PRKN: variants seen among roughly 807,000 people sequenced by gnomAD.
PRKN encodes E3 ubiquitin-protein ligase parkin.
In PRKN, 56 loss-of-function variants were observed where a neutral mutation model predicts 59.5. The observed-to-expected ratio is 0.94, with a 90% CI of 0.76 to 1.18. The LOEUF (loss-of-function observed/expected upper bound fraction) is 1.18, where lower values mean the gene tolerates loss of function less well. PRKN is among the 50% of genes most tolerant of loss of function. The pLI is 0.00. For synonymous variants in PRKN, 250 were observed against 222.1 expected, an observed-to-expected ratio of 1.13 and a Z score of -1.12; for missense variants, 657 against 596.4, an observed-to-expected ratio of 1.10 and a Z score of -1.06.
chr6:162,057,509 T>C (rs1777914494), intron 4 of PRKN, among the ~76,000 whole-genome samples: 1 of 152,194 alleles, frequency 6.6e-6, no homozygotes, highest in African/African-American at 2.4e-5. Context: ...TACAAATGTA[T>C]AGAAATAAAA....
chr6:161,598,878 C>T (rs1187255189), intron 7 of PRKN, among the ~76,000 whole-genome samples: 2 of 152,150 alleles, frequency 1.3e-5, no homozygotes, highest in Non-Finnish European at 2.9e-5. Context: ...ATGAATATAA[C>T]CTCATTTGGG....
rs6909431 is a variant in PRKN at position 161,782,474 on chromosome 6, T to G, written c.871+3298A>C. 6.2e-3 allele frequency among the ~76,000 whole-genome samples: 947 copies of G among 152,302 alleles called. 6 individuals are homozygous for G. Among genetic ancestry groups the G allele is most frequent in the African/African-American group, 0.022 (899 of 41,554 alleles). Reference sequence around the variant, plus strand: ...ATATTATTTACCTTTATTTATTTATTATTTACCTTTGGGAGAGAAAGAGAA... The same window carrying G: ...ATATTATTTACCTTTATTTATTTATGATTTACCTTTGGGAGAGAAAGAGAA... On this transcript the variant is annotated intron_variant, in intron 7 of 11. Coordinates refer to ENST00000366898, the MANE Select transcript of PRKN (RefSeq NM_004562.3).
chr6:161,808,542 T>C (rs1454291248), intron 6 of PRKN, among the ~76,000 whole-genome samples: 1 of 152,184 alleles, frequency 6.6e-6, no homozygotes, highest in Non-Finnish European at 1.5e-5. Flanking sequence ...ATATGAACAA[T>C]AGCTCAACTG....
rs1376901896 is a variant in PRKN at position 161,484,750 on chromosome 6, C to G, written c.1083+64104G>C. Among the ~76,000 whole-genome samples the G allele has an allele frequency of 6.6e-6, 1 of 152,158 alleles. No homozygotes were observed. The highest frequency in any genetic ancestry group is 2.4e-5 in the African/African-American group (1 of 41,454). On this transcript the variant is annotated intron_variant, in intron 9 of 11. Transcript: ENST00000366898. The surrounding 1 kb of genome is among the most constrained non-coding windows in gnomAD (Gnocchi z 4.9). ...CTACCCGCTAGATGCTAGAAGCATCCCCCTGTTGTGATGACCAAAACTATC... is the reference window on the plus strand; with the variant it reads ...CTACCCGCTAGATGCTAGAAGCATCGCCCTGTTGTGATGACCAAAACTATC...
rs1292805293 is a variant in PRKN at position 161,360,639 on chromosome 6, T to A, written c.1168-434A>T. Reference sequence around the variant, plus strand: ...GGCCCAAAGCTGGTAAGTGGGAGTATCAGTGTGACTCTGGAATCTTTGCTT... The same window carrying A: ...GGCCCAAAGCTGGTAAGTGGGAGTAACAGTGTGACTCTGGAATCTTTGCTT... On this transcript the variant is annotated intron_variant, in intron 10 of 11. Transcript: ENST00000366898. This position sits in a 1 kb window ranked among gnomAD's most constrained non-coding sequence, Gnocchi z 5.1. 6.6e-6 allele frequency among the ~76,000 whole-genome samples: 1 copy of A among 152,150 alleles called. No individual in the cohort carries two copies. Among genetic ancestry groups the A allele is most frequent in the Non-Finnish European group, 1.5e-5 (1 of 68,034 alleles).
At chr6:161,841,273 G>C (rs1365120091) in intron 6 of PRKN, among the ~76,000 whole-genome samples, 2 of 151,990 alleles carry the variant, frequency 1.3e-5, no homozygotes, top group Non-Finnish European at 2.9e-5. Flanking sequence ...CCTAATGACA[G>C]AGTCTCTCCT....
At chr6:162,091,972 G>A (rs1779516207) in intron 4 of PRKN, among the ~76,000 whole-genome samples, 1 of 151,998 alleles carries the variant, frequency 6.6e-6, no homozygotes, top group Non-Finnish European at 1.5e-5. Context: ...GGAGGTCAAG[G>A]CTGTAGTAAG....
At chr6:162,253,856 C>T (rs371436595) in intron 3 of PRKN, among the ~76,000 whole-genome samples, 21 of 151,898 alleles carry the variant, frequency 1.4e-4, no homozygotes, top group Non-Finnish European at 2.4e-4. Flanking sequence ...ATAAAAAAGT[C>T]CACACAATAA....
chr6:162,568,541 G>A (rs974094736), intron 1 of PRKN: 4 of 770,766 alleles, frequency 5.2e-6, no homozygotes, highest in African/African-American at 3.4e-5. Context: ...TTAACCTGGA[G>A]GTGGACCCCA....
chr6:162,012,973 G>T (rs1318454246), intron 5 of PRKN, among the ~76,000 whole-genome samples: 1 of 152,118 alleles, frequency 6.6e-6, no homozygotes, highest in Non-Finnish European at 1.5e-5. Flanking sequence ...TGTTGAATAA[G>T]TGTTTTCTGG....
At chr6:161,703,030 TAAAAAAA>T (rs538755289) in intron 7 of PRKN, among the ~76,000 whole-genome samples, 1 of 104,820 alleles carries the variant, frequency 9.5e-6, no homozygotes, top group Non-Finnish European at 2.1e-5. Context: ...GATTCAACAG[TAAAAAAA>T]AAAAAAAAAG....
At chr6:161,984,028 T>C (rs1781345326) in intron 5 of PRKN, among the ~76,000 whole-genome samples, 2 of 152,160 alleles carry the variant, frequency 1.3e-5, no homozygotes, top group Admixed American at 6.5e-5. Context: ...TAAGCTCAGA[T>C]GGCTGTACCT....
intron 2 of PRKN, among the ~76,000 whole-genome samples, chr6:162,373,872 G>T (rs1432225005): frequency 6.6e-6 from 1 of 152,118 alleles, no homozygotes; most frequent in Non-Finnish European, 1.5e-5. Flanking sequence ...TAGTGTTTTT[G>T]TGTGGTCAAA....
chr6:161,710,611 T>TA (rs372824574), intron 7 of PRKN, among the ~76,000 whole-genome samples: 4 of 152,152 alleles, frequency 2.6e-5, no homozygotes, highest in African/African-American at 9.7e-5. Context: ...AGTCTTCTGT[T>TA]AGAGGTCTAG....
intron 1 of PRKN, among the ~76,000 whole-genome samples, chr6:162,650,083 G>A (rs1778360476): frequency 6.6e-6 from 1 of 152,166 alleles, no homozygotes; most frequent in Non-Finnish European, 1.5e-5. Flanking sequence ...TGCTAAAAGT[G>A]ACTTTAGGTT....
intron 2 of PRKN, among the ~76,000 whole-genome samples, chr6:162,305,283 G>C (rs568933273): frequency 3.9e-4 from 60 of 152,258 alleles, no homozygotes; most frequent in African/African-American, 1.1e-3. Context: ...CTGAAACTTA[G>C]CTTGGTTTTA....
chr6:162,679,054 C>T (rs567026004), intron 1 of PRKN, among the ~76,000 whole-genome samples: 11 of 146,454 alleles, frequency 7.5e-5, no homozygotes, highest in African/African-American at 1.5e-4. Flanking sequence ...GGATTACAGA[C>T]GTGAGCCACT....
intron 2 of PRKN, among the ~76,000 whole-genome samples, chr6:162,281,954 A>T (rs753803595): frequency 6.6e-6 from 1 of 152,144 alleles, no homozygotes; most frequent in Non-Finnish European, 1.5e-5. Context: ...TTCTCGTAAG[A>T]AGCACACAGC....
intron 1 of PRKN, among the ~76,000 whole-genome samples, chr6:162,457,624 C>G (rs1471167478): frequency 6.6e-6 from 1 of 151,900 alleles, no homozygotes; most frequent in Admixed American, 6.6e-5. Context: ...AAAAACTACA[C>G]AAAATCCCAA....
Sources: allele counts gnomAD v4.1 joint callset (sites outside exome capture counted in the v4.1 genomes callset), GRCh38; gene constraint gnomAD v4.1.1; non-coding constraint Gnocchi (gnomAD v3.1); transcripts MANE v1.5; gene names NCBI Gene and HGNC (gene_info 2026-07-23, HGNC 2026-07-21).